The following CNTNAP3B variants were observed in gnomAD, a reference collection of about 807,000 sequenced individuals.
CNTNAP3B encodes the protein contactin-associated protein-like 3B.
In CNTNAP3B, 25 loss-of-function variants were observed where a neutral mutation model predicts 108.9. That is an observed-to-expected ratio of 0.23 (90% CI 0.17 to 0.32). The LOEUF is 0.32. Ranked by LOEUF, CNTNAP3B falls within the 10% of genes least tolerant of loss-of-function variation. CNTNAP3B has a pLI of 1.00. For synonymous variants in CNTNAP3B, 103 were observed against 473.4 expected, an observed-to-expected ratio of 0.22 and a Z score of 10.16; for missense variants, 252 against 1,210.4, an observed-to-expected ratio of 0.21 and a Z score of 11.75.
intron 3 of CNTNAP3B, among the ~76,000 whole-genome samples, chr9:42,037,487 G>A (rs1323989446): frequency 7.7e-6 from 1 of 129,528 alleles, no homozygotes; most frequent in Admixed American, 7.8e-5. Context: ...ACGCATGTAC[G>A]AGCTTCAGTA....
At chr9:41,972,788 T>G (rs1350515272) in intron 9 of CNTNAP3B, among the ~76,000 whole-genome samples, 1 of 136,932 alleles carries the variant, frequency 7.3e-6, no homozygotes, top group African/African-American at 2.9e-5. Flanking sequence ...CTACTGCATC[T>G]CACTAATCAT....
In CNTNAP3B at chr9:42,106,374, G is replaced by T. The variant is rs1828089713; in HGVS notation, c.86-1635C>A. ...AGGTGAGTCAGACACTGGAATTTGT[G>T]ATTTTTTTACATACAAAGAGCAGCA... On this transcript the variant is annotated intron_variant, in intron 1 of 23. Coordinates refer to ENST00000377561, the MANE Select transcript of CNTNAP3B (RefSeq NM_001201380.3). Among the ~76,000 whole-genome samples the T allele has an allele frequency of 2.3e-5, 2 of 85,378 alleles. 1 individual carries two copies. The highest frequency in any genetic ancestry group is 4.8e-5 in the Non-Finnish European group (2 of 41,942). The allele number at this position is 85,378 out of a possible 152,430, so 56.0% of individuals were successfully genotyped here. A position where few individuals can be genotyped will look rare whatever the true frequency, so the allele number is the denominator to read the frequency against.
At chr9:42,115,050 T>C (rs1324986506) in intron 1 of CNTNAP3B, among the ~76,000 whole-genome samples, 2 of 134,108 alleles carry the variant, frequency 1.5e-5, no homozygotes, top group South Asian at 2.4e-4. Flanking sequence ...CAAGACTCCA[T>C]ATCGGAAAAA....
intron 2 of CNTNAP3B, among the ~76,000 whole-genome samples, chr9:42,084,082 A>G (rs1827656030): frequency 6.7e-6 from 1 of 149,094 alleles, no homozygotes; most frequent in Admixed American, 6.7e-5. Context: ...AAAGAGCCCT[A>G]AAGGTTAAAT....
rs571518659 is a variant in CNTNAP3B, at chr9:42,125,790, A to G, written c.85+3220T>C. On this transcript the variant is annotated intron_variant, in intron 1 of 23. Coordinates refer to ENST00000377561, the MANE Select transcript of CNTNAP3B (RefSeq NM_001201380.3). Reference sequence around the variant, plus strand: ...TGCCACCATGCCCTGAAATTTTTTCATATTTTTAGTAGAGGCAGGGTTTCA... The same window carrying G: ...TGCCACCATGCCCTGAAATTTTTTCGTATTTTTAGTAGAGGCAGGGTTTCA... 3.5e-4 allele frequency among the ~76,000 whole-genome samples: 45 copies of G among 130,422 alleles called. 7 individuals are homozygous for G. The highest frequency in any genetic ancestry group is 6.2e-4 in the Non-Finnish European group (39 of 62,464). 85.6% of individuals were successfully genotyped at this position (130,422 alleles called of 152,430 possible). A position where few individuals can be genotyped will look rare whatever the true frequency, so the allele number is the denominator to read the frequency against.
chr9:42,076,294 C>A (rs1390834716), intron 3 of CNTNAP3B, among the ~76,000 whole-genome samples: 2 of 125,784 alleles, frequency 1.6e-5, no homozygotes, highest in Non-Finnish European at 3.3e-5. Context: ...AGTGTGGTGG[C>A]ACATGCCTGT....
intron 3 of CNTNAP3B, among the ~76,000 whole-genome samples, chr9:42,068,075 C>T (rs1303931679): frequency 2.9e-5 from 4 of 136,042 alleles, no homozygotes; most frequent in Non-Finnish European, 1.6e-5. Context: ...TGAAACAAAA[C>T]TGCTTAGACC....
chr9:41,916,130 A>G (rs1384841457), intron 18 of CNTNAP3B, among the ~76,000 whole-genome samples: 1 of 144,596 alleles, frequency 6.9e-6, no homozygotes, highest in Non-Finnish European at 1.5e-5. Context: ...TTGTCTATAA[A>G]CTCTCTTATT....
intron 9 of CNTNAP3B, among the ~76,000 whole-genome samples, chr9:41,984,082 C>T (rs1825682675): frequency 1.7e-5 from 1 of 57,334 alleles, no homozygotes; most frequent in Admixed American, 2.0e-4. Flanking sequence ...AAATAAAAAT[C>T]TTAAGCTCTT....
At chr9:41,923,059 C>T (rs1209895081) in intron 16 of CNTNAP3B, among the ~76,000 whole-genome samples, 164 bp from the exon 17 acceptor site, 1 of 111,420 alleles carries the variant, frequency 9.0e-6, no homozygotes, top group African/African-American at 3.5e-5. Context: ...AAATCTGTAT[C>T]CTGGAGGAAA....
intron 3 of CNTNAP3B, among the ~76,000 whole-genome samples, chr9:42,014,407 G>T (rs1335951810): frequency 1.2e-5 from 1 of 83,828 alleles, no homozygotes; most frequent in Non-Finnish European, 2.4e-5. Flanking sequence ...GGGGCACATA[G>T]TTAATATTTA....
chr9:42,037,249 A>G (rs2118503029), intron 3 of CNTNAP3B, among the ~76,000 whole-genome samples: 1 of 138,120 alleles, frequency 7.2e-6, no homozygotes, highest in South Asian at 2.3e-4. Context: ...GTGCACATGT[A>G]CCCTAAAACT....
At chr9:41,932,950 G>A (rs1383115445) in intron 14 of CNTNAP3B, among the ~76,000 whole-genome samples, 1 of 152,418 alleles carries the variant, frequency 6.6e-6, no homozygotes, top group Non-Finnish European at 1.5e-5. Flanking sequence ...AGTTCAACCT[G>A]CATTAATTAC....
intron 10 of CNTNAP3B, among the ~76,000 whole-genome samples, chr9:41,968,886 T>C (rs1369395151): frequency 2.0e-5 from 3 of 151,556 alleles, no homozygotes; most frequent in Non-Finnish European, 2.9e-5. Context: ...AAGCTCCGCC[T>C]CCCGGGTTCA....
At chr9:42,024,671 A>C (rs1283160150) in intron 3 of CNTNAP3B, among the ~76,000 whole-genome samples, 145 of 75,698 alleles carry the variant, frequency 1.9e-3, no homozygotes, top group Non-Finnish European at 3.7e-3. Flanking sequence ...AGGGTTCACA[A>C]AAAAAAAAAA....
intron 13 of CNTNAP3B, among the ~76,000 whole-genome samples, chr9:41,944,473 T>A (rs1413701074): frequency 1.9e-4 from 29 of 152,372 alleles, no homozygotes; most frequent in African/African-American, 6.7e-4. Flanking sequence ...TAGTGTTATT[T>A]GAAAGTAGAT....
chr9:41,968,001 A>G (rs1825331817), intron 10 of CNTNAP3B, among the ~76,000 whole-genome samples: 1 of 152,274 alleles, frequency 6.6e-6, no homozygotes, highest in Non-Finnish European at 1.5e-5. Flanking sequence ...CTTAGAGACC[A>G]AGTTAGGCAC....
intron 2 of CNTNAP3B, among the ~76,000 whole-genome samples, chr9:42,096,255 C>A (rs1408220223): frequency 1.4e-5 from 2 of 139,280 alleles, no homozygotes; most frequent in African/African-American, 5.7e-5. Context: ...ATTAAGCCAC[C>A]ACCGGCAAGG....
intron 1 of CNTNAP3B, among the ~76,000 whole-genome samples, chr9:42,107,438 ATAGT>A (rs1269002813): frequency 9.3e-6 from 1 of 108,018 alleles, no homozygotes; most frequent in Non-Finnish European, 1.8e-5. Flanking sequence ...GTAATAGATA[ATAGT>A]TATTCTTTCC....
Sources: gnomAD v4.1 joint callset for allele counts (sites outside exome capture counted in the v4.1 genomes callset) on GRCh38, gnomAD v4.1.1 for gene constraint, MANE v1.5 for transcripts, NCBI Gene and HGNC (gene_info 2026-07-23, HGNC 2026-07-21) for gene names.